Variants in TRMT11 observed in about 807,000 individuals in gnomAD.
TRMT11 encodes the protein tRNA (guanine(10)-N(2))-methyltransferase TRMT11.
TRMT11 carries 53 observed loss-of-function variants against 62.8 expected under a neutral mutation model. The observed-to-expected ratio is 0.84, with a 90% confidence interval of 0.68 to 1.06. The LOEUF (loss-of-function observed/expected upper bound fraction) is 1.06. Ranked by LOEUF, TRMT11 falls within the 50% of genes least tolerant of loss-of-function variation. The pLI, the probability that TRMT11 is intolerant of heterozygous loss-of-function variation, is 0.00. For synonymous variants in TRMT11, 188 were observed against 190.3 expected, an observed-to-expected ratio of 0.99 and a Z score of 0.10; for missense variants, 556 against 553.4, an observed-to-expected ratio of 1.00 and a Z score of -0.05.
chr6:126,233,066 A>G, the TRMT11 span, among the ~76,000 whole-genome samples: 5 of 152,138 alleles, frequency 3.3e-5, no homozygotes, highest in African/African-American at 1.2e-4. Context: ...AGAGAAGACA[A>G]TGTGGGAAGA....
the TRMT11 span, among the ~76,000 whole-genome samples, chr6:126,271,361 C>G: frequency 1.8e-5 from 1 of 56,580 alleles, no homozygotes; most frequent in Admixed American, 2.9e-4. Flanking sequence ...AAGACTCCAT[C>G]TCAAAAAAAA....
At chr6:126,170,570 A>G (rs1472432289) in intron 21 of TRMT11, among the ~76,000 whole-genome samples, 2 of 151,828 alleles carry the variant, frequency 1.3e-5, no homozygotes, top group Non-Finnish European at 1.5e-5. Flanking sequence ...TTTTTTATCT[A>G]GTAAAGTTAA....
At chr6:125,991,233 G>A (rs1041081499) in intron 1 of TRMT11, among the ~76,000 whole-genome samples, 4 of 148,384 alleles carry the variant, frequency 2.7e-5, no homozygotes, top group Non-Finnish European at 5.9e-5. Flanking sequence ...GTGACAGTGT[G>A]AGACTCCATC....
At chr6:126,153,444 A>G (rs568386767) in intron 21 of TRMT11, among the ~76,000 whole-genome samples, 1 of 152,222 alleles carries the variant, frequency 6.6e-6, no homozygotes, top group Non-Finnish European at 1.5e-5. Flanking sequence ...ATTTAGTTTC[A>G]AGATTTTTAT....
intron 17 of TRMT11, among the ~76,000 whole-genome samples, chr6:126,074,209 C>T (rs1776944401): frequency 6.6e-6 from 1 of 152,130 alleles, no homozygotes; most frequent in Non-Finnish European, 1.5e-5. Flanking sequence ...CAATATGAAA[C>T]ACGGAGGACA....
At chr6:126,202,763 A>G (rs1778749378), downstream of TRMT11, among the ~76,000 whole-genome samples, 1 of 152,222 alleles carries the variant, frequency 6.6e-6, no homozygotes. Context: ...ATTTGGAAAA[A>G]TAACCTTCAT....
At chr6:126,160,882 G>A (rs1778182273) in intron 21 of TRMT11, among the ~76,000 whole-genome samples, 1 of 152,086 alleles carries the variant, frequency 6.6e-6, no homozygotes, top group Non-Finnish European at 1.5e-5. Flanking sequence ...GAGCCTGTCA[G>A]AAAACTCCTA....
the TRMT11 span, among the ~76,000 whole-genome samples, chr6:126,244,012 A>C: frequency 6.6e-6 from 1 of 152,228 alleles, no homozygotes; most frequent in South Asian, 2.1e-4. Flanking sequence ...TCCACTTTCT[A>C]CGTGAGTTTC....
intron 7 of TRMT11, among the ~76,000 whole-genome samples, chr6:126,007,651 C>T (rs1389139429): frequency 6.6e-6 from 1 of 151,680 alleles, no homozygotes; most frequent in Non-Finnish European, 1.5e-5. Flanking sequence ...TTATTTTAAC[C>T]TTTATTAAGA....
downstream of TRMT11, among the ~76,000 whole-genome samples, chr6:126,044,202 T>C (rs1033085945): frequency 1.3e-5 from 2 of 152,206 alleles, no homozygotes; most frequent in African/African-American, 4.8e-5. Context: ...AACGTTTAAG[T>C]CTTTAATCCA....
downstream of TRMT11, among the ~76,000 whole-genome samples, chr6:126,208,758 AGTT>A (rs894530356): frequency 1.3e-5 from 2 of 152,272 alleles, no homozygotes; most frequent in African/African-American, 4.8e-5. Flanking sequence ...TCAATCACAT[AGTT>A]GTTGTGTAAT....
At chr6:126,211,081 G>A in the TRMT11 span, among the ~76,000 whole-genome samples, 900 of 150,900 alleles carry the variant, frequency 6.0e-3, 9 homozygotes, top group African/African-American at 0.021. Flanking sequence ...CAAACAATGA[G>A]AGGTGGCAGC....
At chr6:126,032,359 C>A (rs1167376674) in intron 12 of TRMT11, among the ~76,000 whole-genome samples, 3 of 152,184 alleles carry the variant, frequency 2.0e-5, no homozygotes, top group Non-Finnish European at 4.4e-5. Flanking sequence ...GCCTGATCTA[C>A]TTCTGGCCTG....
At chr6:126,202,476 T>A (rs1778745986), downstream of TRMT11, among the ~76,000 whole-genome samples, 1 of 152,208 alleles carries the variant, frequency 6.6e-6, no homozygotes, top group African/African-American at 2.4e-5. Context: ...TTTCCCCCTG[T>A]AGCTAAGACC....
In TRMT11 at chr6:126,008,426, A is replaced by G. The variant is rs775760079; in HGVS notation, c.714A>G (p.Ala238=). The stretch of plus-strand genomic sequence containing the variant: ...TGATAGCATGTGCTCATTTTGGTGC[A>G]TATGTGTATGGGACAGACATAGACT... ...GLLIACAHFG[A]YVYGTDIDYN... Residue 238 remains alanine (A), a synonymous_variant, in exon 8 of 13, where the codon GCA becomes GCG. Coordinates refer to ENST00000334379, the MANE Select transcript of TRMT11 (RefSeq NM_001031712.3). 6.2e-7 allele frequency: 1 copy of G among 1,613,156 alleles called. No individual in the cohort carries two copies. Among genetic ancestry groups the G allele is most frequent in the South Asian group, 1.1e-5 (1 of 91,048 alleles).
chr6:126,250,018 G>T, the TRMT11 span, among the ~76,000 whole-genome samples: 2 of 152,146 alleles, frequency 1.3e-5, no homozygotes, highest in Middle Eastern at 6.8e-3. Flanking sequence ...TGGAAGGGAG[G>T]GATAGTGAGC....
chr6:126,154,339 A>ATGTGTGTGTGTGTG (rs66827988), intron 21 of TRMT11, among the ~76,000 whole-genome samples: 1 of 122,846 alleles, frequency 8.1e-6, no homozygotes, highest in Non-Finnish European at 1.9e-5. Flanking sequence ...GTGTGTGTGT[A>ATGTGTGTGTGTGTG]TGTGTGTGTG....
At chr6:126,046,803 T>C (rs1776073769) in intron 16 of TRMT11, among the ~76,000 whole-genome samples, 1 of 152,194 alleles carries the variant, frequency 6.6e-6, no homozygotes, top group Admixed American at 6.5e-5. Flanking sequence ...ACCAATTTAA[T>C]GCACCGTTGT....
intron 16 of TRMT11, among the ~76,000 whole-genome samples, chr6:126,050,475 G>T (rs567538560): frequency 6.6e-6 from 1 of 152,142 alleles, no homozygotes; most frequent in African/African-American, 2.4e-5. Context: ...GGCTGAGGCC[G>T]GAGGATCACT....
Sources: allele counts gnomAD v4.1 joint callset (sites outside exome capture counted in the v4.1 genomes callset), GRCh38; gene constraint gnomAD v4.1.1; transcripts MANE v1.5; gene names NCBI Gene and HGNC (gene_info 2026-07-23, HGNC 2026-07-21).